Variants in IGFBPL1 observed in about 807,000 individuals in gnomAD.
IGFBPL1 encodes insulin like growth factor binding protein like 1.
IGFBPL1 carries 20 observed loss-of-function variants against 23.9 expected under a neutral mutation model. That is an observed-to-expected ratio of 0.84 (90% confidence interval 0.59 to 1.22). IGFBPL1 has a LOEUF of 1.22. IGFBPL1 is among the 50% of genes most tolerant of loss of function. The pLI is 0.00. For synonymous variants in IGFBPL1, 184 were observed against 171.8 expected (o/e 1.07, Z -0.56); for missense variants, 436 against 379.3 (o/e 1.15, Z -1.24).
intron 1 of IGFBPL1, among the ~76,000 whole-genome samples, chr9:38,417,364 G>A (rs1405862494): frequency 2.0e-5 from 3 of 152,172 alleles, no homozygotes; most frequent in Non-Finnish European, 4.4e-5. Flanking sequence ...TGAGGTAGCT[G>A]CTTCCATCCC....
intron 1 of IGFBPL1, among the ~76,000 whole-genome samples, chr9:38,423,061 C>T (rs1396870665): frequency 6.6e-6 from 1 of 152,222 alleles, no homozygotes; most frequent in African/African-American, 2.4e-5. Flanking sequence ...GCACTGCCCA[C>T]TCCAGGCAAA....
chr9:38,411,307 TTC>T, intron 4 of IGFBPL1, 82 bp downstream of exon 4: 7 of 1,233,172 alleles, frequency 5.7e-6, no homozygotes, highest in Non-Finnish European at 7.9e-6. Flanking sequence ...CGTATTTTTC[TTC>T]TTTTTTTTAC....
intron 1 of IGFBPL1, among the ~76,000 whole-genome samples, chr9:38,422,954 G>T (rs1821702470): frequency 6.6e-6 from 1 of 152,010 alleles, no homozygotes; most frequent in African/African-American, 2.4e-5. Context: ...TTGGTCTCTG[G>T]GCTCAGGCCA....
Position 38,424,441 on chromosome 9 carries a change from G to T in IGFBPL1, c.-17C>A. 1.9e-6 allele frequency: 1 copy of T among 531,912 alleles called. No homozygotes were observed. The allele number at this position is 531,912 out of a possible 1,614,324, so 32.9% of individuals were successfully genotyped here. A position where few individuals can be genotyped will look rare whatever the true frequency, so the allele number is the denominator to read the frequency against. ...GCGCGGCATGGCTTGCTCCGGGACA[G>T]CGGCGGCGCCTCTGCTTCGCGCTCC... On this transcript the variant is annotated 5_prime_UTR_variant, in exon 1 of 5. In the 5' UTR this introduces an upstream ATG that the reference lacks. Transcript: ENST00000377694.
At chr9:38,422,381 G>C (rs564876114) in intron 1 of IGFBPL1, among the ~76,000 whole-genome samples, 29 of 152,240 alleles carry the variant, frequency 1.9e-4, no homozygotes, top group Non-Finnish European at 4.1e-4. Context: ...GACCTGGTCA[G>C]CATTTCTTCT....
intron 1 of IGFBPL1, among the ~76,000 whole-genome samples, chr9:38,422,631 CAG>C (rs1352587098): frequency 6.6e-6 from 1 of 152,212 alleles, no homozygotes; most frequent in Non-Finnish European, 1.5e-5. Flanking sequence ...CAGGGCCACT[CAG>C]GGAGCCAGCG....
At position 38,411,409 on chromosome 9, in the gene IGFBPL1, G is replaced by A; in HGVS notation, c.828C>T (p.Asp276=). 1 of 1,607,374 alleles carries A rather than the reference G, an allele frequency of 6.2e-7. No homozygotes were observed. The change falls in exon 4 of 5, where the codon GAC becomes GAT. Residue 276 remains aspartate, a synonymous_variant. Transcript: ENST00000377694. ...YRSFHFPAPD[D]RM ...CATGTACATTTCTCCATCACATGCG[G>A]TCATCGGGAGCTGGGAAGTGGAAGC... is the stretch of plus-strand genomic sequence containing the variant.
chr9:38,421,388 A>G (rs1821676751), intron 1 of IGFBPL1, among the ~76,000 whole-genome samples: 2 of 151,938 alleles, frequency 1.3e-5, no homozygotes, highest in Admixed American at 6.6e-5. Context: ...GATCACTCTC[A>G]TTATGTGGCA....
At chr9:38,421,392 T>C (rs1440799817) in intron 1 of IGFBPL1, among the ~76,000 whole-genome samples, 1 of 152,022 alleles carries the variant, frequency 6.6e-6, no homozygotes, top group Non-Finnish European at 1.5e-5. Context: ...ACTCTCATTA[T>C]GTGGCAGTTT....
chr9:38,412,685 C>T (rs557173021), intron 3 of IGFBPL1, among the ~76,000 whole-genome samples: 214 of 152,264 alleles, frequency 1.4e-3, no homozygotes, highest in African/African-American at 5.0e-3. Flanking sequence ...ATCAAGGTGC[C>T]GGCAGGGCTG....
intron 1 of IGFBPL1, among the ~76,000 whole-genome samples, chr9:38,414,938 T>C (rs1406158739): frequency 3.9e-5 from 6 of 152,184 alleles, no homozygotes; most frequent in Non-Finnish European, 7.4e-5. Context: ...TTCCTCCCCA[T>C]GCCTGGCATC....
At chr9:38,418,254 C>G (rs961668609) in intron 1 of IGFBPL1, among the ~76,000 whole-genome samples, 1 of 152,190 alleles carries the variant, frequency 6.6e-6, no homozygotes, top group Non-Finnish European at 1.5e-5. Context: ...GCGTGGCAGG[C>G]AGGGGTGGAA....
rs372612635 is a variant in IGFBPL1 at position 38,423,995 on chromosome 9, G to T, written c.430C>A (p.His144Asn). 1.4e-5 allele frequency: 20 copies of T among 1,411,922 alleles called. No homozygotes were observed. Among genetic ancestry groups the T allele is most frequent in the African/African-American group, 1.4e-4 (9 of 66,048 alleles). 87.5% of individuals were successfully genotyped at this position (1,411,922 alleles called of 1,614,324 possible). A position where few individuals can be genotyped will look rare whatever the true frequency, so the allele number is the denominator to read the frequency against. Residue 144 changes from histidine (H) to asparagine (N), a missense_variant, in exon 1 of 5, where the codon CAC becomes AAC. Transcript: ENST00000377694. ...TCGCAAGGGCCGTCGCGCGCCTTGT[G>T]CAGGTGACCGGGGTGCGCGCGGGGC... ...HTPRAHPGHL[H>N]KARDGPCEFA... is the part of the protein sequence containing the mutation.
At chr9:38,411,686 A>G (rs80177306) in intron 3 of IGFBPL1, 137 bp from the exon 4 acceptor site, 2 of 764,586 alleles carry the variant, frequency 2.6e-6, no homozygotes, top group Admixed American at 2.9e-5. Context: ...CTCTCCTTGC[A>G]TTGGCTGCCA....
In IGFBPL1 at chr9:38,411,512, T is replaced by C. The variant is rs1224790064; in HGVS notation, c.725A>G (p.Gln242Arg). Residue 242 changes from glutamine (Q) to arginine (R), a missense_variant, in exon 4 of 5, where the codon CAG becomes CGG. By Grantham distance (43) the Gln-to-Arg change is conservative. Transcript: ENST00000377694. Reference protein sequence around the residue: ...PLRKEDEGVYQCHAANMVGEA... With the variant: ...PLRKEDEGVYRCHAANMVGEA... ...TCCCACCATGTTGGCTGCATGGCAC[T>C]GGTACACACCCTCATCCTCCTTTCG... The C allele has an allele frequency of 1.2e-6, 2 of 1,614,072 alleles. No individual in the cohort carries two copies. Among genetic ancestry groups the C allele is most frequent in the African/African-American group, 2.7e-5 (2 of 75,046 alleles).
Position 38,424,362 on chromosome 9 carries a change from C to T in IGFBPL1, c.63G>A (p.Pro21=), listed in dbSNP as rs1206627358. ...CGCGGATCCCAAGGCTCGGGGACAG[C>T]GGCGGCAGCAGCGGCAGCAGCAGCA... ...LLLLLLPLLP[P]LSPSLGIRDV... The change falls in exon 1 of 5, where the codon CCG becomes CCA. Residue 21 remains proline, a synonymous_variant. Coordinates refer to ENST00000377694, the MANE Select transcript of IGFBPL1 (RefSeq NM_001007563.3). 2.6e-6 allele frequency: 2 copies of T among 764,984 alleles called. No individual in the cohort carries two copies. The highest frequency in any genetic ancestry group is 7.0e-5 in the East Asian group (2 of 28,572). The allele number at this position is 764,984 out of a possible 1,614,324, so 47.4% of individuals were successfully genotyped here.
intron 4 of IGFBPL1, among the ~76,000 whole-genome samples, chr9:38,409,646 G>A (rs560606315): frequency 5.3e-5 from 8 of 152,064 alleles, no homozygotes; most frequent in East Asian, 3.8e-4. Flanking sequence ...CAAAATATAC[G>A]TGTATTTGAA....
At chr9:38,423,363 C>T (rs1268197872) in intron 1 of IGFBPL1, among the ~76,000 whole-genome samples, 1 of 152,122 alleles carries the variant, frequency 6.6e-6, no homozygotes, top group East Asian at 1.9e-4. Flanking sequence ...TGAGTCTGCC[C>T]CTAATAGCAC....
chr9:38,413,822 G>A (rs1263858893), intron 2 of IGFBPL1, among the ~76,000 whole-genome samples: 2 of 152,044 alleles, frequency 1.3e-5, no homozygotes, highest in African/African-American at 2.4e-5. Flanking sequence ...ACAGCTTTCT[G>A]GGTCCCTAAG....
Sources: allele counts gnomAD v4.1 joint callset (sites outside exome capture counted in the v4.1 genomes callset), GRCh38; gene constraint gnomAD v4.1.1; transcripts MANE v1.5; gene names NCBI Gene and HGNC (gene_info 2026-07-23, HGNC 2026-07-21).